The following SLC24A2 variants were observed in gnomAD, a reference collection of about 807,000 sequenced individuals.
The protein encoded by SLC24A2 is sodium/potassium/calcium exchanger 2.
Under a neutral mutation model 62.0 loss-of-function variants are expected in SLC24A2, and 36 were observed. The ratio of observed to expected loss-of-function variants is 0.58; its 90% confidence interval spans 0.44 to 0.77. The LOEUF (loss-of-function observed/expected upper bound fraction) is 0.77. SLC24A2 is among the 30% of genes least tolerant of loss of function. The pLI, the probability that SLC24A2 is intolerant of heterozygous loss-of-function variation, is 0.00. For missense variants in SLC24A2, 846 were observed against 817.9 expected (o/e 1.03, Z -0.42); for synonymous variants, 358 against 294.0 (o/e 1.22, Z -2.23).
chr9:19,714,746 T>C (rs1402691615), intron 2 of SLC24A2, among the ~76,000 whole-genome samples: 2 of 152,226 alleles, frequency 1.3e-5, no homozygotes, highest in African/African-American at 4.8e-5. Flanking sequence ...GTCACAGTTA[T>C]CCATTTTTCC....
the SLC24A2 span, among the ~76,000 whole-genome samples, chr9:19,975,900 T>TTGTTTG: frequency 4.0e-5 from 6 of 150,898 alleles, no homozygotes; most frequent in Non-Finnish European, 7.4e-5. Context: ...AAACATACGT[T>TTGTTTG]TTTGTTTGTT....
chr9:20,118,875 C>T, the SLC24A2 span, among the ~76,000 whole-genome samples: 30 of 152,036 alleles, frequency 2.0e-4, 1 homozygote, highest in Admixed American at 2.0e-3. Flanking sequence ...GGTACTGTGA[C>T]TTGCTTCTAA....
chr9:19,545,862 C>G (rs886761070), intron 8 of SLC24A2, among the ~76,000 whole-genome samples: 1 of 152,176 alleles, frequency 6.6e-6, no homozygotes. Context: ...TGGTCTCAAT[C>G]TCCTGACCTT....
At chr9:19,693,452 A>G (rs1243634593) in intron 2 of SLC24A2, among the ~76,000 whole-genome samples, 2 of 152,332 alleles carry the variant, frequency 1.3e-5, no homozygotes, top group East Asian at 3.9e-4. Flanking sequence ...TACAGGAAGT[A>G]ATGATTTCCT....
chr9:19,684,551 AC>A (rs1819821928), intron 2 of SLC24A2, among the ~76,000 whole-genome samples: 1 of 152,164 alleles, frequency 6.6e-6, no homozygotes, highest in Non-Finnish European at 1.5e-5. Flanking sequence ...GGAAGGGGAA[AC>A]CCCAGTCTAT....
At chr9:19,898,843 A>T in the SLC24A2 span, among the ~76,000 whole-genome samples, 3 of 152,164 alleles carry the variant, frequency 2.0e-5, no homozygotes, top group Non-Finnish European at 4.4e-5. Context: ...TATAAACAAG[A>T]GAATCTACTT....
chr9:19,885,273 A>C, the SLC24A2 span, among the ~76,000 whole-genome samples: 1 of 152,278 alleles, frequency 6.6e-6, no homozygotes. Context: ...AGGCACTTCC[A>C]TTATAGTAAG....
chr9:19,919,802 C>T, the SLC24A2 span, among the ~76,000 whole-genome samples: 15 of 152,188 alleles, frequency 9.9e-5, no homozygotes, highest in Non-Finnish European at 2.1e-4. Flanking sequence ...CCTTATAAAA[C>T]CATCGTATCT....
chr9:19,842,337 C>A, the SLC24A2 span, among the ~76,000 whole-genome samples: 2 of 152,176 alleles, frequency 1.3e-5, no homozygotes, highest in Non-Finnish European at 2.9e-5. Flanking sequence ...CTCCATGATC[C>A]AGAAGCAGCT....
the SLC24A2 span, among the ~76,000 whole-genome samples, chr9:19,904,257 T>C: frequency 6.6e-6 from 1 of 152,172 alleles, no homozygotes; most frequent in Non-Finnish European, 1.5e-5. Context: ...ACATTTAAGT[T>C]TCAGAAGCAG....
chr9:20,148,423 T>TACC, the SLC24A2 span, among the ~76,000 whole-genome samples: 6 of 152,214 alleles, frequency 3.9e-5, no homozygotes, highest in African/African-American at 1.4e-4. Context: ...AACGCTTCTG[T>TACC]ACCTTTGACT....
chr9:19,723,402 C>T (rs1821083354), intron 2 of SLC24A2, among the ~76,000 whole-genome samples: 1 of 152,014 alleles, frequency 6.6e-6, no homozygotes, highest in African/African-American at 2.4e-5. Context: ...GTACTCTCAC[C>T]TCATTTAAAA....
the SLC24A2 span, among the ~76,000 whole-genome samples, chr9:20,019,083 GAGAAAGAA>G: frequency 9.4e-6 from 1 of 105,966 alleles, no homozygotes. Flanking sequence ...CAGAGAAAGA[GAGAAAGAA>G]AGAAAGAAAG....
At chr9:20,022,582 T>A in the SLC24A2 span, among the ~76,000 whole-genome samples, 4 of 152,210 alleles carry the variant, frequency 2.6e-5, no homozygotes, top group African/African-American at 9.7e-5. Flanking sequence ...CTCGTCCACG[T>A]GCTTACTGTC....
chr9:19,636,322 T>C lies in SLC24A2; in HGVS notation c.931-14023A>G, dbSNP rs954460063. ...TTCTTTTCTTTTCTTTTCTTTTCTT[T>C]CTTTCTTTCTTTCTTTCTTTCTTTC... On this transcript the variant is annotated intron_variant, in intron 2 of 10. Transcript: ENST00000341998. Among the ~76,000 whole-genome samples the C allele has an allele frequency of 7.2e-4, 22 of 30,558 alleles. 2 individuals are homozygous for C. The highest frequency in any genetic ancestry group is 1.8e-3 in the African/African-American group (15 of 8,240). The allele number at this position is 30,558 out of a possible 152,430, so 20.0% of individuals were successfully genotyped here.
the SLC24A2 span, among the ~76,000 whole-genome samples, chr9:20,132,413 T>G: frequency 6.6e-6 from 1 of 152,098 alleles, no homozygotes. Flanking sequence ...AACCTTTAGG[T>G]TATTTTGAAC....
the SLC24A2 span, among the ~76,000 whole-genome samples, chr9:20,163,580 C>T: frequency 1.3e-5 from 2 of 152,094 alleles, no homozygotes; most frequent in African/African-American, 4.8e-5. Context: ...AGATTCAATG[C>T]CATCCCCATC....
the SLC24A2 span, among the ~76,000 whole-genome samples, chr9:19,933,554 A>C: frequency 6.6e-6 from 1 of 152,326 alleles, no homozygotes; most frequent in Admixed American, 6.5e-5. Flanking sequence ...TCAACTGTAC[A>C]GGTAAAAACA....
At chr9:19,857,746 G>GTT in the SLC24A2 span, among the ~76,000 whole-genome samples, 27 of 148,304 alleles carry the variant, frequency 1.8e-4, no homozygotes, top group Non-Finnish European at 2.1e-4. Context: ...ACTTCAGTAG[G>GTT]TTTTTTTTTT....
Sources: gnomAD v4.1 joint callset for allele counts (sites outside exome capture counted in the v4.1 genomes callset) on GRCh38, gnomAD v4.1.1 for gene constraint, MANE v1.5 for transcripts, NCBI Gene and HGNC (gene_info 2026-07-23, HGNC 2026-07-21) for gene names.